Variants in SV2C observed in about 807,000 individuals in gnomAD.
SV2C encodes solute carrier family 22 member B3.
In SV2C, 49 loss-of-function variants were observed where a neutral mutation model predicts 79.7. The ratio of observed to expected loss-of-function variants is 0.61; its 90% confidence interval spans 0.49 to 0.78. SV2C has a LOEUF of 0.78. SV2C is among the 30% of genes least tolerant of loss of function. The pLI, the probability that SV2C is intolerant of heterozygous loss-of-function variation, is 0.00. For missense variants in SV2C, 833 were observed against 912.9 expected (o/e 0.91, Z 1.13); for synonymous variants, 334 against 333.2 (o/e 1.00, Z -0.03).
intron 3 of SV2C, among the ~76,000 whole-genome samples, chr5:76,204,087 C>T (rs1322491758): frequency 6.6e-6 from 1 of 152,170 alleles, no homozygotes; most frequent in Non-Finnish European, 1.5e-5. Flanking sequence ...GCAATCTCCC[C>T]AAGGTCTGTG....
the SV2C span, among the ~76,000 whole-genome samples, chr5:75,999,356 GGGGA>G: frequency 1.1e-4 from 16 of 140,616 alleles, 1 homozygote; most frequent in African/African-American, 4.2e-4. Flanking sequence ...AGAAGGAGTG[GGGGA>G]GGGAGGGAGG....
intron 2 of SV2C, among the ~76,000 whole-genome samples, chr5:76,154,995 G>A (rs989068418): frequency 1.3e-5 from 2 of 152,184 alleles, no homozygotes; most frequent in Non-Finnish European, 2.9e-5. Context: ...TCTTTGATCA[G>A]CATTCACTGA....
chr5:75,916,304 C>G, the SV2C span, among the ~76,000 whole-genome samples: 1 of 140,838 alleles, frequency 7.1e-6, no homozygotes, highest in Non-Finnish European at 1.6e-5. Flanking sequence ...CTTCCCCTTC[C>G]CCTTTCTCGT....
the SV2C span, among the ~76,000 whole-genome samples, chr5:76,073,590 C>T: frequency 7.1e-6 from 1 of 141,034 alleles, no homozygotes; most frequent in Non-Finnish European, 1.5e-5. Flanking sequence ...GAAATAATGT[C>T]ATTCACAGCA....
At chr5:76,167,453 T>C (rs1028107505) in intron 2 of SV2C, among the ~76,000 whole-genome samples, 9 of 152,210 alleles carry the variant, frequency 5.9e-5, no homozygotes, top group Non-Finnish European at 1.5e-5. Context: ...TCTGCATTCA[T>C]GTTATTTTTG....
intron 1 of SV2C, among the ~76,000 whole-genome samples, chr5:76,111,080 C>T (rs997680333): frequency 6.6e-6 from 1 of 152,172 alleles, no homozygotes; most frequent in African/African-American, 2.4e-5. Flanking sequence ...GATGATGTCC[C>T]ATGAATGCAT....
chr5:76,294,510 C>G (rs1012634243), intron 8 of SV2C, among the ~76,000 whole-genome samples: 1 of 152,132 alleles, frequency 6.6e-6, no homozygotes, highest in African/African-American at 2.4e-5. Context: ...CCATGTTGAC[C>G]AGGCTGGTCT....
At chr5:76,269,110 G>T (rs1194909395) in intron 4 of SV2C, among the ~76,000 whole-genome samples, 1 of 152,120 alleles carries the variant, frequency 6.6e-6, no homozygotes, top group Non-Finnish European at 1.5e-5. Flanking sequence ...GACATTTTAG[G>T]CTGGATACTT....
the SV2C span, among the ~76,000 whole-genome samples, chr5:76,005,882 T>C: frequency 6.6e-6 from 1 of 152,220 alleles, no homozygotes; most frequent in Non-Finnish European, 1.5e-5. Context: ...TACCTCTTTC[T>C]GAATGCCTTC....
At chr5:76,059,832 C>G in the SV2C span, among the ~76,000 whole-genome samples, 1 of 152,102 alleles carries the variant, frequency 6.6e-6, no homozygotes, top group African/African-American at 2.4e-5. Flanking sequence ...CTATCTATGG[C>G]AGCTATAGCC....
At chr5:76,193,905 A>G (rs1744184477) in intron 2 of SV2C, among the ~76,000 whole-genome samples, 1 of 152,218 alleles carries the variant, frequency 6.6e-6, no homozygotes, top group African/African-American at 2.4e-5. Context: ...AATGTTCCTC[A>G]AAGAGTGCCT....
chr5:76,145,519 A>G (rs1749392374), intron 2 of SV2C, among the ~76,000 whole-genome samples: 1 of 152,210 alleles, frequency 6.6e-6, no homozygotes, highest in Non-Finnish European at 1.5e-5. Context: ...AGTCCTTGAG[A>G]GGGATTTGCT....
At chr5:75,944,283 G>A in the SV2C span, among the ~76,000 whole-genome samples, 1 of 152,116 alleles carries the variant, frequency 6.6e-6, no homozygotes, top group Non-Finnish European at 1.5e-5. Flanking sequence ...TATGAATGTA[G>A]CATAACTTAC....
At chr5:76,259,109 G>A (rs1339149205) in intron 4 of SV2C, among the ~76,000 whole-genome samples, 2 of 152,182 alleles carry the variant, frequency 1.3e-5, no homozygotes, top group Non-Finnish European at 2.9e-5. Context: ...GTTGGGGAAA[G>A]AATTAATTTT....
chr5:76,214,488 A>G (rs185278400), intron 4 of SV2C, among the ~76,000 whole-genome samples: 12 of 152,286 alleles, frequency 7.9e-5, no homozygotes, highest in African/African-American at 2.9e-4. Flanking sequence ...CTTCTTGCTC[A>G]AGGTTACTTT....
At chr5:76,045,004 G>A in the SV2C span, among the ~76,000 whole-genome samples, 2 of 152,108 alleles carry the variant, frequency 1.3e-5, no homozygotes, top group African/African-American at 4.8e-5. Context: ...CCTATATCCT[G>A]AATGGTATTG....
the SV2C span, among the ~76,000 whole-genome samples, chr5:75,878,177 A>C: frequency 6.6e-6 from 1 of 152,296 alleles, no homozygotes; most frequent in Admixed American, 6.5e-5. Flanking sequence ...TAGGAAAGGA[A>C]GTTGAAAATG....
At chr5:76,316,960 C>A (rs937103288) in intron 12 of SV2C, among the ~76,000 whole-genome samples, 5 of 152,046 alleles carry the variant, frequency 3.3e-5, no homozygotes. Context: ...GAGGTTTCAT[C>A]TTATTAATTT....
the SV2C span, among the ~76,000 whole-genome samples, chr5:75,951,983 A>G: frequency 6.6e-6 from 1 of 151,970 alleles, no homozygotes; most frequent in African/African-American, 2.4e-5. Context: ...TTCCCTTCTC[A>G]AGCAGGGAAA....
Sources: gnomAD v4.1 joint callset for allele counts (sites outside exome capture counted in the v4.1 genomes callset) on GRCh38, gnomAD v4.1.1 for gene constraint, MANE v1.5 for transcripts, NCBI Gene and HGNC (gene_info 2026-07-23, HGNC 2026-07-21) for gene names.